Variants in ABHD12 observed in about 807,000 individuals in gnomAD.
ABHD12 encodes abhydrolase domain containing 12, lysophospholipase.
Under a neutral mutation model 58.3 loss-of-function variants are expected in ABHD12, and 43 were observed. The observed-to-expected ratio is 0.74, with a 90% CI of 0.58 to 0.95. The LOEUF (loss-of-function observed/expected upper bound fraction) is 0.95, where lower values mean the gene tolerates loss of function less well. ABHD12 is among the 40% of genes least tolerant of loss of function. The probability of loss-of-function intolerance (pLI) is 0.00; values close to 1 mark genes in which losing one functional copy is unlikely to be tolerated. For synonymous variants in ABHD12, 219 were observed against 211.2 expected, an observed-to-expected ratio of 1.04 and a Z score of -0.32; for missense variants, 539 against 537.2, an observed-to-expected ratio of 1.00 and a Z score of -0.03.
At chr20:25,355,969 GGCCAATAATAGGA>G (rs1291298502) in intron 1 of ABHD12, among the ~76,000 whole-genome samples, 1 of 152,168 alleles carries the variant, frequency 6.6e-6, no homozygotes, top group Non-Finnish European at 1.5e-5. Flanking sequence ...TGTGAAACTG[GGCCAATAATAGGA>G]GGTACTGATG....
intron 1 of ABHD12, among the ~76,000 whole-genome samples, chr20:25,354,520 TA>T (rs1337396464): frequency 3.3e-5 from 5 of 152,228 alleles, no homozygotes; most frequent in Admixed American, 1.3e-4. Context: ...AGGCTGTACA[TA>T]AGCCACGTGT....
At chr20:25,312,119 G>C in intron 6 of ABHD12, among the ~76,000 whole-genome samples, 1 of 152,076 alleles carries the variant, frequency 6.6e-6, no homozygotes, top group Non-Finnish European at 1.5e-5. Flanking sequence ...AGTAGTTCAA[G>C]ACCAGCCTGG....
intron 1 of ABHD12, among the ~76,000 whole-genome samples, chr20:25,377,229 G>A (rs181473407): frequency 2.3e-3 from 354 of 152,320 alleles, no homozygotes; most frequent in African/African-American, 8.2e-3. Context: ...ATGCCATGAT[G>A]TGCCTTGTCA....
At chr20:25,362,735 C>T (rs986542396) in intron 1 of ABHD12, among the ~76,000 whole-genome samples, 9 of 151,022 alleles carry the variant, frequency 6.0e-5, no homozygotes, top group Non-Finnish European at 1.0e-4. Flanking sequence ...AGTGCAATGG[C>T]GCGATCTTGG....
intron 1 of ABHD12, among the ~76,000 whole-genome samples, chr20:25,348,363 G>A (rs7268686): frequency 2.7e-5 from 4 of 149,628 alleles, no homozygotes; most frequent in Admixed American, 1.3e-4. Flanking sequence ...GGCCATAGAA[G>A]AGATTTTTAT....
chr20:25,309,716 A>C, intron 6 of ABHD12, 141 bp from the exon 7 acceptor site: 1 of 1,226,096 alleles, frequency 8.2e-7, no homozygotes, highest in Non-Finnish European at 1.1e-6. Context: ...CCACAGACCC[A>C]CCCAGGCCAC....
At chr20:25,326,930 C>G (rs1023294346) in intron 2 of ABHD12, among the ~76,000 whole-genome samples, 2 of 152,308 alleles carry the variant, frequency 1.3e-5, no homozygotes, top group Non-Finnish European at 2.9e-5. Flanking sequence ...CCTTATAGTA[C>G]ACTGTTCCCT....
intron 12 of ABHD12, among the ~76,000 whole-genome samples, chr20:25,301,963 G>GC (rs1293298108): frequency 5.3e-5 from 8 of 152,274 alleles, no homozygotes; most frequent in East Asian, 3.9e-4. Context: ...GAGCGTGTGT[G>GC]CCCCCCCGTG....
chr20:25,355,372 G>C (rs751718417), intron 1 of ABHD12, among the ~76,000 whole-genome samples: 2 of 152,134 alleles, frequency 1.3e-5, no homozygotes, highest in Non-Finnish European at 2.9e-5. Flanking sequence ...AGCTCATCAT[G>C]CTTAAGAAGA....
At chr20:25,370,435 G>A (rs6050566) in intron 1 of ABHD12, among the ~76,000 whole-genome samples, 86,406 of 151,998 alleles carry the variant, frequency 0.57, 25,299 homozygotes, top group African/African-American at 0.62. Flanking sequence ...CCACCCCTCA[G>A]GCACAGCCGC....
chr20:25,326,507 C>G (rs1487097430), intron 2 of ABHD12, among the ~76,000 whole-genome samples: 1 of 152,158 alleles, frequency 6.6e-6, no homozygotes, highest in African/African-American at 2.4e-5. Context: ...AGGATAGAAA[C>G]CCATGGCTGG....
At chr20:25,334,991 A>C (rs1245688605) in intron 2 of ABHD12, among the ~76,000 whole-genome samples, 1 of 152,138 alleles carries the variant, frequency 6.6e-6, no homozygotes, top group Non-Finnish European at 1.5e-5. Context: ...TGCACAGCAA[A>C]AGAAACTACC....
chr20:25,341,259 G>T (rs537350453), intron 1 of ABHD12, among the ~76,000 whole-genome samples: 2 of 152,184 alleles, frequency 1.3e-5, no homozygotes, highest in Non-Finnish European at 2.9e-5. Flanking sequence ...CTGCTGCTGG[G>T]GATACTGCTG....
downstream of ABHD12, among the ~76,000 whole-genome samples, chr20:25,299,557 G>C (rs185216861): frequency 2.6e-5 from 4 of 152,030 alleles, no homozygotes; most frequent in African/African-American, 7.2e-5. Flanking sequence ...CCTCTGCTTC[G>C]TGGTCAGGAG....
At chr20:25,357,908 A>G (rs2089689979) in intron 1 of ABHD12, among the ~76,000 whole-genome samples, 1 of 152,130 alleles carries the variant, frequency 6.6e-6, no homozygotes, top group Non-Finnish European at 1.5e-5. Flanking sequence ...TTACTCAGGA[A>G]GCTGAGGTGG....
chr20:25,306,843 T>C lies in ABHD12; in HGVS notation c.940A>G (p.Asn314Asp). ...PITSSGIKFA[N>D]DENVKHISCP... ...TCCCATAATACTCACTTTTCATCATTTGCAAATTTAATTCCACTACTTGTA... is the reference window on the plus strand; with the variant it reads ...TCCCATAATACTCACTTTTCATCATCTGCAAATTTAATTCCACTACTTGTA... The change falls in exon 10 of 13, where the codon AAT (asparagine) becomes GAT (aspartate). Residue 314 changes from asparagine to aspartate, a missense_variant. Physicochemically the swap from Asn to Asp is conservative, Grantham distance 23. Coordinates refer to ENST00000339157, the MANE Select transcript of ABHD12 (RefSeq NM_001042472.3). 6.2e-7 allele frequency: 1 copy of C among 1,609,886 alleles called. No individual in the cohort carries two copies. Among genetic ancestry groups the C allele is most frequent in the Non-Finnish European group, 8.5e-7 (1 of 1,176,344 alleles).
At position 25,390,569 on chromosome 20, in the gene ABHD12, C is replaced by A; in HGVS notation, c.135G>T (p.Pro45=). 1 of 1,479,054 alleles carries A rather than the reference C, an allele frequency of 6.8e-7. No homozygotes were observed. Among genetic ancestry groups the A allele is most frequent in the African/African-American group, 1.5e-5 (1 of 68,316 alleles). The allele number at this position is 1,479,054 out of a possible 1,614,324, so 91.6% of individuals were successfully genotyped here. A position where few individuals can be genotyped will look rare whatever the true frequency, so the allele number is the denominator to read the frequency against. The change falls in exon 1 of 13, where the codon CCG becomes CCT. Residue 45 remains proline (P), a synonymous_variant. Coordinates refer to ENST00000339157, the MANE Select transcript of ABHD12 (RefSeq NM_001042472.3). The part of the protein sequence containing the change: ...RLKQNLRLTG[P]AAAEPRCAAD... ...CTGCGCAGCGCGGCTCAGCCGCCGC[C>A]GGGCCCGTCAGGCGTAGGTTCTGCT...
At chr20:25,383,595 C>T (rs1047366204) in intron 1 of ABHD12, among the ~76,000 whole-genome samples, 2 of 152,110 alleles carry the variant, frequency 1.3e-5, no homozygotes, top group Admixed American at 6.5e-5. Flanking sequence ...CCGAGGCAGG[C>T]GGATCACAAG....
intron 1 of ABHD12, among the ~76,000 whole-genome samples, chr20:25,349,461 A>T (rs879480720): frequency 6.6e-6 from 1 of 152,232 alleles, no homozygotes; most frequent in Admixed American, 6.5e-5. Flanking sequence ...AGCATTATTC[A>T]TAATAGTCAA....
Sources: allele counts gnomAD v4.1 joint callset (sites outside exome capture counted in the v4.1 genomes callset), GRCh38; gene constraint gnomAD v4.1.1; transcripts MANE v1.5; gene names NCBI Gene and HGNC (gene_info 2026-07-23, HGNC 2026-07-21).